ARHGAP10: variants seen among roughly 807,000 people sequenced by gnomAD.
ARHGAP10 encodes the protein Rho GTPase activating protein 10, also known as rho GTPase-activating protein 10.
In ARHGAP10, 87 loss-of-function variants were observed where a neutral mutation model predicts 108.6. That is an observed-to-expected ratio of 0.80 (90% CI 0.67 to 0.96). The LOEUF (loss-of-function observed/expected upper bound fraction) is 0.96, where lower values mean the gene tolerates loss of function less well. Ranked by LOEUF, ARHGAP10 falls within the 40% of genes least tolerant of loss-of-function variation. The pLI, the probability that ARHGAP10 is intolerant of heterozygous loss-of-function variation, is 0.00. For missense variants in ARHGAP10, 939 were observed against 954.5 expected (o/e 0.98, Z 0.21); for synonymous variants, 347 against 341.1 (o/e 1.02, Z -0.19).
At chr4:148,070,862 C>T (rs1234430428) in intron 22 of ARHGAP10, among the ~76,000 whole-genome samples, 1 of 152,144 alleles carries the variant, frequency 6.6e-6, no homozygotes, top group Non-Finnish European at 1.5e-5. Flanking sequence ...GAGCTGGGGC[C>T]TGCTCACAGC....
intron 3 of ARHGAP10, among the ~76,000 whole-genome samples, chr4:147,844,217 A>T (rs1733538862): frequency 6.6e-6 from 1 of 152,102 alleles, no homozygotes; most frequent in African/African-American, 2.4e-5. Flanking sequence ...GTGAGTACAT[A>T]ATAGGTATAT....
intron 13 of ARHGAP10, among the ~76,000 whole-genome samples, chr4:147,919,681 T>A (rs1222536679): frequency 6.6e-6 from 1 of 152,096 alleles, no homozygotes; most frequent in Non-Finnish European, 1.5e-5. Flanking sequence ...CGGGTTCAAG[T>A]GATTCTTCTA....
intron 10 of ARHGAP10, among the ~76,000 whole-genome samples, chr4:147,895,803 T>A (rs962604007): frequency 6.6e-6 from 1 of 152,182 alleles, no homozygotes; most frequent in Non-Finnish European, 1.5e-5. Flanking sequence ...AGAAGTGGTG[T>A]TATTGGCCAT....
chr4:148,027,191 A>G (rs1727899715), intron 19 of ARHGAP10, among the ~76,000 whole-genome samples: 1 of 152,252 alleles, frequency 6.6e-6, no homozygotes, highest in Admixed American at 6.5e-5. Flanking sequence ...AAAACTAGAC[A>G]TTTACAGAAC....
At chr4:147,805,003 T>C (rs555562782) in intron 1 of ARHGAP10, among the ~76,000 whole-genome samples, 37 of 152,334 alleles carry the variant, frequency 2.4e-4, no homozygotes, top group Non-Finnish European at 4.1e-4. Context: ...CAATTTTTGT[T>C]TCTGTTGCAG....
intron 13 of ARHGAP10, among the ~76,000 whole-genome samples, chr4:147,928,008 T>A (rs1349777033): frequency 2.6e-5 from 4 of 152,194 alleles, no homozygotes; most frequent in Admixed American, 6.5e-5. Flanking sequence ...GCAACAAGTC[T>A]AGGGCATCTG....
At chr4:147,866,618 G>A in intron 6 of ARHGAP10, 94 bp from the exon 7 acceptor site, 1 of 834,738 alleles carries the variant, frequency 1.2e-6, no homozygotes. Context: ...TGGAATAACA[G>A]TGAGATGGCG....
intron 20 of ARHGAP10, among the ~76,000 whole-genome samples, chr4:148,050,650 G>A (rs1207225768): frequency 1.3e-5 from 2 of 152,190 alleles, no homozygotes; most frequent in East Asian, 1.9e-4. Context: ...TGGGATTACA[G>A]GTGTGAGCCA....
chr4:147,934,933 AAG>A (rs1199302857), intron 13 of ARHGAP10, among the ~76,000 whole-genome samples: 1 of 152,226 alleles, frequency 6.6e-6, no homozygotes, highest in Non-Finnish European at 1.5e-5. Context: ...TGGTGTCAAA[AAG>A]GGGATTTTTA....
intron 3 of ARHGAP10, among the ~76,000 whole-genome samples, chr4:147,826,891 C>G (rs1459382055): frequency 9.2e-5 from 14 of 152,164 alleles, no homozygotes; most frequent in Non-Finnish European, 1.9e-4. Context: ...CTCCCCAAGC[C>G]CCGCCCTCAA....
At chr4:147,739,896 C>T (rs1024796090) in intron 1 of ARHGAP10, among the ~76,000 whole-genome samples, 5 of 151,524 alleles carry the variant, frequency 3.3e-5, no homozygotes, top group Admixed American at 6.6e-5. Flanking sequence ...CCACCACACC[C>T]GGCTAATTTT....
At chr4:147,739,197 A>G (rs1055058073) in intron 1 of ARHGAP10, among the ~76,000 whole-genome samples, 1 of 151,958 alleles carries the variant, frequency 6.6e-6, no homozygotes, top group Admixed American at 6.6e-5. Flanking sequence ...AAAAAAAAAA[A>G]AAAAAAGAAA....
chr4:147,799,768 A>G (rs1731499519), intron 1 of ARHGAP10, among the ~76,000 whole-genome samples: 1 of 152,224 alleles, frequency 6.6e-6, no homozygotes, highest in Admixed American at 6.5e-5. Flanking sequence ...TAAAATCCTC[A>G]TCAGATAATT....
At chr4:147,742,476 C>CTTTTTTTTTT (rs11420720) in intron 1 of ARHGAP10, among the ~76,000 whole-genome samples, 5 of 86,528 alleles carry the variant, frequency 5.8e-5, no homozygotes, top group Non-Finnish European at 9.8e-5. Flanking sequence ...TCTGTGAACA[C>CTTTTTTTTTT]TTTTTTTTTT....
intron 20 of ARHGAP10, among the ~76,000 whole-genome samples, chr4:148,052,216 C>G (rs1729169859): frequency 6.6e-6 from 1 of 151,900 alleles, no homozygotes; most frequent in African/African-American, 2.4e-5. Flanking sequence ...CTCCTTTCCT[C>G]TCTCTCTGTC....
At chr4:147,741,030 T>A (rs553778983) in intron 1 of ARHGAP10, among the ~76,000 whole-genome samples, 1 of 152,352 alleles carries the variant, frequency 6.6e-6, no homozygotes, top group South Asian at 2.1e-4. Context: ...CTTTTTTCCC[T>A]CTGAATATAT....
chr4:147,889,461 G>A (rs1308034585), intron 10 of ARHGAP10, among the ~76,000 whole-genome samples: 3 of 152,052 alleles, frequency 2.0e-5, no homozygotes, highest in South Asian at 4.1e-4. Flanking sequence ...CGCCACGCCC[G>A]GCTAATTTTT....
intron 7 of ARHGAP10, among the ~76,000 whole-genome samples, chr4:147,872,371 G>C (rs1322327669): frequency 6.6e-6 from 1 of 152,042 alleles, no homozygotes; most frequent in Non-Finnish European, 1.5e-5. Flanking sequence ...GAGAGAGGCT[G>C]GAAAGAAACC....
At chr4:147,769,217 A>G (rs1729969581) in intron 1 of ARHGAP10, among the ~76,000 whole-genome samples, 1 of 152,186 alleles carries the variant, frequency 6.6e-6, no homozygotes, top group Admixed American at 6.5e-5. Context: ...ATTACTCAGT[A>G]AATGTTGAAG....
Sources: gnomAD v4.1 joint callset for allele counts (sites outside exome capture counted in the v4.1 genomes callset) on GRCh38, gnomAD v4.1.1 for gene constraint, MANE v1.5 for transcripts, NCBI Gene and HGNC (gene_info 2026-07-23, HGNC 2026-07-21) for gene names.